CNTNAP5: variants seen among roughly 807,000 people sequenced by gnomAD.
CNTNAP5 encodes contactin associated protein family member 5, also known as contactin-associated protein-like 5.
Under a neutral mutation model 150.2 loss-of-function variants are expected in CNTNAP5, and 72 were observed. That is an observed-to-expected ratio of 0.48 (90% confidence interval 0.40 to 0.58). The LOEUF (loss-of-function observed/expected upper bound fraction) is 0.58. CNTNAP5 is among the 20% of genes least tolerant of loss of function. The pLI is 0.00. For missense variants in CNTNAP5, 1,636 were observed against 1,626.2 expected, an observed-to-expected ratio of 1.01 and a Z score of -0.10; for synonymous variants, 672 against 619.8, an observed-to-expected ratio of 1.08 and a Z score of -1.25.
chr2:124,536,386 A>G (rs1695231614), intron 10 of CNTNAP5, among the ~76,000 whole-genome samples: 1 of 152,128 alleles, frequency 6.6e-6, no homozygotes, highest in African/African-American at 2.4e-5. Flanking sequence ...TAGAAATGCA[A>G]GTCTCAGACA....
At chr2:124,566,135 G>A (rs573465455) in intron 11 of CNTNAP5, among the ~76,000 whole-genome samples, 19,410 of 152,088 alleles carry the variant, frequency 0.13, 1,509 homozygotes, top group East Asian at 0.26. Context: ...GAGAAATGTT[G>A]CAGGACCCCC....
At chr2:124,668,928 A>G (rs903923712) in intron 13 of CNTNAP5, among the ~76,000 whole-genome samples, 1 of 152,096 alleles carries the variant, frequency 6.6e-6, no homozygotes, top group Non-Finnish European at 1.5e-5. Flanking sequence ...ATGTGGTGCT[A>G]TACCTTTAAG....
intron 1 of CNTNAP5, among the ~76,000 whole-genome samples, chr2:124,207,145 T>A (rs934807831): frequency 6.6e-6 from 1 of 152,190 alleles, no homozygotes; most frequent in East Asian, 1.9e-4. Flanking sequence ...AACTAGACTC[T>A]GTGACCCAGT....
chr2:124,070,207 G>T (rs1352969928), intron 1 of CNTNAP5, among the ~76,000 whole-genome samples: 2 of 151,506 alleles, frequency 1.3e-5, no homozygotes, highest in East Asian at 3.9e-4. Flanking sequence ...TAAAAAGCAA[G>T]AAATTATACC....
chr2:124,117,961 C>A (rs1380599122), intron 1 of CNTNAP5, among the ~76,000 whole-genome samples: 1 of 152,078 alleles, frequency 6.6e-6, no homozygotes, highest in Non-Finnish European at 1.5e-5. Flanking sequence ...TGGCATGAAC[C>A]TGTAGTCCCA....
chr2:124,811,949 T>A (rs13008632), intron 19 of CNTNAP5, among the ~76,000 whole-genome samples: 12,027 of 92,914 alleles, frequency 0.13, 1,014 homozygotes, highest in East Asian at 0.25. Context: ...TCTCAAAAAA[T>A]ATATATATAT....
Position 124,147,274 on chromosome 2 carries a change from A to G in CNTNAP5, c.83-74431A>G, listed in dbSNP as rs376060445. On this transcript the variant is annotated intron_variant, in intron 1 of 23. Coordinates refer to ENST00000682447, the MANE Select transcript of CNTNAP5 (RefSeq NM_001367498.1). ...TGTTTTCAGTTTTTTTTCAAAATTC[A>G]GAGAAGTAATTCAATGCATGTACTA... Among the ~76,000 whole-genome samples the G allele has an allele frequency of 5.9e-5, 9 of 152,182 alleles. No homozygotes were observed. The East Asian group carries it at 1.2e-3, about 19-fold the overall frequency.
chr2:124,713,260 T>TCC, intron 13 of CNTNAP5, among the ~76,000 whole-genome samples: 1 of 119,688 alleles, frequency 8.4e-6, no homozygotes, highest in East Asian at 2.8e-4. Context: ...TTTCTTTCTT[T>TCC]CTTTCTTTCT....
chr2:124,287,371 T>G (rs892639273), intron 3 of CNTNAP5, among the ~76,000 whole-genome samples: 1 of 152,160 alleles, frequency 6.6e-6, no homozygotes, highest in Non-Finnish European at 1.5e-5. Flanking sequence ...ATAAAGGATT[T>G]GCAGCTCTTT....
At chr2:124,042,753 A>T (rs1383488329) in intron 1 of CNTNAP5, among the ~76,000 whole-genome samples, 1 of 151,190 alleles carries the variant, frequency 6.6e-6, no homozygotes. Context: ...CTTTTTGTAG[A>T]CCCCCTCTTG....
At chr2:124,429,265 A>G (rs1692314582) in intron 4 of CNTNAP5, among the ~76,000 whole-genome samples, 1 of 152,084 alleles carries the variant, frequency 6.6e-6, no homozygotes, top group Non-Finnish European at 1.5e-5. Context: ...ATGTGCTATC[A>G]TGCATAGGAA....
Position 124,356,699 on chromosome 2 carries a change from C to T in CNTNAP5, c.382-60744C>T, listed in dbSNP as rs1008090140. Among the ~76,000 whole-genome samples, 135 of 152,044 alleles carry T rather than the reference C, an allele frequency of 8.9e-4. 1 individual carries two copies. The highest frequency in any genetic ancestry group is 1.4e-3 in the Non-Finnish European group (98 of 67,960). On this transcript the variant is annotated intron_variant, in intron 3 of 23. Coordinates refer to ENST00000682447, the MANE Select transcript of CNTNAP5 (RefSeq NM_001367498.1). Reference sequence around the variant, plus strand: ...TATGTGCCACATTTTCTTAATCCAGCCTATCATTGTTAGACATTTGGGTTG... The same window carrying T: ...TATGTGCCACATTTTCTTAATCCAGTCTATCATTGTTAGACATTTGGGTTG...
intron 3 of CNTNAP5, among the ~76,000 whole-genome samples, chr2:124,267,608 A>AT (rs1377041494): frequency 3.3e-5 from 5 of 152,190 alleles, no homozygotes; most frequent in Non-Finnish European, 7.3e-5. Flanking sequence ...TTTTGATTAA[A>AT]TTAGGGGAGA....
Position 124,810,385 on chromosome 2 carries a change from T to C in CNTNAP5, c.3217+12065T>C, listed in dbSNP as rs72980477. Among the ~76,000 whole-genome samples the C allele has an allele frequency of 4.7e-3, 722 of 152,270 alleles. 10 individuals carry two copies. Among genetic ancestry groups the C allele is most frequent in the African/African-American group, 0.017 (686 of 41,548 alleles). ...ATTTCAGGTTCTTGACAGGCTGGTTTTTTAATAGCGCTGCTTAAACAGCAT... is the reference window on the plus strand; with the variant it reads ...ATTTCAGGTTCTTGACAGGCTGGTTCTTTAATAGCGCTGCTTAAACAGCAT... On this transcript the variant is annotated intron_variant, in intron 19 of 23. Transcript: ENST00000682447.
intron 4 of CNTNAP5, among the ~76,000 whole-genome samples, chr2:124,424,068 C>T (rs1158086906): frequency 2.0e-5 from 3 of 152,140 alleles, no homozygotes; most frequent in Admixed American, 6.5e-5. Flanking sequence ...TACTTCAGGT[C>T]GCCTCTGTTC....
chr2:124,586,801 G>A (rs562161561), intron 11 of CNTNAP5, among the ~76,000 whole-genome samples: 1 of 152,248 alleles, frequency 6.6e-6, no homozygotes, highest in East Asian at 1.9e-4. Context: ...CTAACTACAG[G>A]GAACATTTGA....
intron 3 of CNTNAP5, among the ~76,000 whole-genome samples, chr2:124,295,948 A>C (rs1021819686): frequency 2.0e-5 from 3 of 152,248 alleles, no homozygotes; most frequent in Admixed American, 2.0e-4. Context: ...GAAATTAATA[A>C]TAACAAAAAG....
chr2:124,907,821 A>G (rs1354395283), intron 22 of CNTNAP5, among the ~76,000 whole-genome samples: 1 of 150,472 alleles, frequency 6.6e-6, no homozygotes, highest in Non-Finnish European at 1.5e-5. Context: ...GGTATTTTTA[A>G]CTTTTGTAGT....
intron 1 of CNTNAP5, among the ~76,000 whole-genome samples, chr2:124,074,918 C>T (rs1682402058): frequency 6.6e-6 from 1 of 151,984 alleles, no homozygotes; most frequent in South Asian, 2.1e-4. Flanking sequence ...GGTGCTATTC[C>T]ATTTTACGTA....
Sources: allele counts gnomAD v4.1 joint callset (sites outside exome capture counted in the v4.1 genomes callset), GRCh38; gene constraint gnomAD v4.1.1; transcripts MANE v1.5; gene names NCBI Gene and HGNC (gene_info 2026-07-23, HGNC 2026-07-21).